The following TIAM2 variants were observed in gnomAD, a reference collection of about 807,000 sequenced individuals.
TIAM2 encodes the protein rho guanine nucleotide exchange factor TIAM2.
Under a neutral mutation model 152.9 loss-of-function variants are expected in TIAM2, and 80 were observed. That is an observed-to-expected ratio of 0.52 (90% CI 0.44 to 0.63). The LOEUF (loss-of-function observed/expected upper bound fraction) is 0.63, where lower values mean the gene tolerates loss of function less well. Ranked by LOEUF, TIAM2 falls within the 30% of genes least tolerant of loss-of-function variation. TIAM2 has a pLI of 0.00. For synonymous variants in TIAM2, 804 were observed against 838.0 expected (o/e 0.96, Z 0.70); for missense variants, 1,965 against 2,120.1 (o/e 0.93, Z 1.44).
intron 2 of TIAM2, among the ~76,000 whole-genome samples, chr6:155,109,070 G>A (rs6931889): frequency 0.03 from 4,562 of 152,132 alleles, 222 homozygotes; most frequent in African/African-American, 0.1. Flanking sequence ...TGCAAGCTCC[G>A]CCTCCTGGGT....
intron 5 of TIAM2, among the ~76,000 whole-genome samples, chr6:155,138,431 CTTT>C (rs111424436): frequency 2.8e-5 from 4 of 141,280 alleles, no homozygotes; most frequent in Non-Finnish European, 1.6e-5. Context: ...GTGCAGCCGT[CTTT>C]TTTTTTTTTT....
intron 1 of TIAM2, among the ~76,000 whole-genome samples, chr6:155,076,194 A>G (rs1258409583): frequency 6.6e-6 from 1 of 152,018 alleles, no homozygotes; most frequent in African/African-American, 2.4e-5. Flanking sequence ...TGGGGGATGG[A>G]GCTTCCTGGG....
Position 155,251,009 on chromosome 6 carries a change from C to G in TIAM2, c.4048C>G (p.Leu1350Val), listed in dbSNP as rs111569551. 5.0e-6 allele frequency: 8 copies of G among 1,613,974 alleles called. No homozygotes were observed. Among genetic ancestry groups the G allele is most frequent in the African/African-American group, 4.0e-5 (3 of 75,034 alleles). Residue 1350 changes from leucine to valine, a missense_variant, in exon 22 of 27, where the codon CTC (leucine) becomes GTC (valine). Physicochemically the swap from Leu to Val is conservative, Grantham distance 32. Coordinates refer to ENST00000682666, the MANE Select transcript of TIAM2 (RefSeq NM_012454.4). ...SLGKARKDLE[L>V]TVFVFKRAVI... ...AGGAAAAGCTAGAAAGGACCTTGAGCTCACAGTATTTGGTTAGTATTCCAT... is the reference window on the plus strand; with the variant it reads ...AGGAAAAGCTAGAAAGGACCTTGAGGTCACAGTATTTGGTTAGTATTCCAT...
At chr6:155,044,404 G>A (rs534230093) in intron 1 of TIAM2, among the ~76,000 whole-genome samples, 13 of 152,236 alleles carry the variant, frequency 8.5e-5, no homozygotes, top group Admixed American at 8.5e-4. Context: ...TCATACAACT[G>A]GACTGTTTTT....
intron 14 of TIAM2, among the ~76,000 whole-genome samples, chr6:155,200,147 C>T (rs893271188): frequency 4.6e-5 from 7 of 152,212 alleles, no homozygotes; most frequent in African/African-American, 1.2e-4. Flanking sequence ...TAGATGTGAT[C>T]GGATTGCTGA....
intron 1 of TIAM2, among the ~76,000 whole-genome samples, chr6:155,042,500 A>G (rs930616411): frequency 5.3e-5 from 8 of 152,128 alleles, no homozygotes; most frequent in Non-Finnish European, 1.2e-4. Flanking sequence ...GGCTGAGGCC[A>G]GAGAATCAAT....
chr6:155,219,407 G>T (rs1452663173), intron 15 of TIAM2, among the ~76,000 whole-genome samples: 1 of 152,074 alleles, frequency 6.6e-6, no homozygotes, highest in African/African-American at 2.4e-5. Flanking sequence ...TGCAGACTTT[G>T]CCCCTCCTGG....
At chr6:155,193,084 T>C (rs878985088) in intron 14 of TIAM2, among the ~76,000 whole-genome samples, 4 of 152,174 alleles carry the variant, frequency 2.6e-5, no homozygotes, top group Admixed American at 2.6e-4. Flanking sequence ...ATCTTCCAAA[T>C]GTGGACATTT....
chr6:155,152,803 G>A (rs963489979), intron 7 of TIAM2, among the ~76,000 whole-genome samples: 2 of 152,052 alleles, frequency 1.3e-5, no homozygotes, highest in African/African-American at 2.4e-5. Flanking sequence ...CTGGCCTGTT[G>A]TGTGTGTGTG....
intron 9 of TIAM2, among the ~76,000 whole-genome samples, chr6:155,169,869 A>C (rs913168384): frequency 6.6e-6 from 1 of 151,734 alleles, no homozygotes; most frequent in Non-Finnish European, 1.5e-5. Context: ...CCCAGGCTGG[A>C]GTGCAGTGGC....
Position 155,251,993 on chromosome 6 carries a change from AAAAG to A in TIAM2, c.4113_4116del (p.Lys1371AsnfsTer23). 1.9e-6 allele frequency: 3 copies of A among 1,605,334 alleles called. No homozygotes were observed. Among genetic ancestry groups the A allele is most frequent in the African/African-American group, 2.7e-5 (2 of 74,246 alleles). On this transcript the variant is annotated frameshift_variant, in exon 23 of 27. Transcript: ENST00000682666. LOFTEE classifies it high-confidence loss of function. ...GTTTATAAAGAAAACTGCAAACTGA[AAAAG>A]AAATTGGTAAGGCAAAAATTCATTT...
intron 1 of TIAM2, among the ~76,000 whole-genome samples, chr6:155,020,604 G>A (rs9384269): frequency 0.4 from 60,256 of 151,848 alleles, 13,206 homozygotes; most frequent in Non-Finnish European, 0.47. Flanking sequence ...TGGGATTACA[G>A]GAGTGCATCA....
intron 2 of TIAM2, among the ~76,000 whole-genome samples, chr6:155,099,014 TCC>T (rs1778486530): frequency 6.6e-6 from 1 of 151,954 alleles, no homozygotes; most frequent in Non-Finnish European, 1.5e-5. Context: ...ACGGAGAAAC[TCC>T]ATCTTTACTA....
At chr6:155,020,891 C>CA (rs1164932536) in intron 1 of TIAM2, among the ~76,000 whole-genome samples, 2 of 152,180 alleles carry the variant, frequency 1.3e-5, no homozygotes, top group Non-Finnish European at 2.9e-5. Flanking sequence ...CAATACCCCC[C>CA]ATTTCTTCTT....
intron 5 of TIAM2, among the ~76,000 whole-genome samples, chr6:155,142,428 G>C (rs1221504114): frequency 6.6e-6 from 1 of 152,214 alleles, no homozygotes; most frequent in African/African-American, 2.4e-5. Flanking sequence ...ATTTCCTCTA[G>C]ATGCCACGAT....
In TIAM2 at chr6:155,018,551, G is replaced by A. The variant is rs114365371; in HGVS notation, c.-209+23059G>A. On this transcript the variant is annotated intron_variant, in intron 1 of 26. Transcript: ENST00000682666. ...CAAGAATTGCTTGAACCAGGGGGGC[G>A]GAACTTTTAGTGAGCCAAGGTTGTG... Among the ~76,000 whole-genome samples the A allele has an allele frequency of 4.2e-3, 632 of 150,450 alleles. 3 individuals are homozygous for A. The highest frequency in any genetic ancestry group is 9.8e-3 in the African/African-American group (400 of 40,966).
At chr6:155,054,591 T>TG (rs5881117) in intron 1 of TIAM2, among the ~76,000 whole-genome samples, 116,986 of 149,524 alleles carry the variant, frequency 0.78, 45,620 homozygotes, top group African/African-American at 0.85. Flanking sequence ...TGTTTTGTTT[T>TG]TTTTTTTTGA....
Position 155,179,106 on chromosome 6 carries a change from A to T in TIAM2, c.2591A>T (p.Tyr864Phe), listed in dbSNP as rs1235340247. The T allele has an allele frequency of 6.2e-7, 1 of 1,613,998 alleles. No homozygotes were observed. Among genetic ancestry groups the T allele is most frequent in the African/African-American group, 1.3e-5 (1 of 74,916 alleles). Residue 864 changes from tyrosine (Y) to phenylalanine (F), a missense_variant, in exon 11 of 27, where the codon TAT (tyrosine) becomes TTT (phenylalanine). This residue lies in a region of TIAM2 where 1,025 missense variants were observed against 1,119.4 expected (regional missense o/e 0.92). Transcript: ENST00000682666. ...LRKLVDDNVE[Y>F]CIPAPYEYMQ... The stretch of plus-strand genomic sequence containing the variant: ...AAATTAGTAGATGACAATGTTGAGT[A>T]TTGCATCCCTGCACCATATGAATAT...
rs879410896 is a variant in TIAM2, at chr6:155,041,031, A to AT, written c.-209+45548dup. ...GGTTTTCAGCTCAGGCAAGTTCCCT[A>AT]TTTTTTTTTGGATGTAGATTTCAGT... On this transcript the variant is annotated intron_variant, in intron 1 of 26. Transcript: ENST00000682666. 9.0e-4 allele frequency among the ~76,000 whole-genome samples: 136 copies of AT among 150,820 alleles called. No homozygotes were observed. The Middle Eastern group carries it at 0.01, about 11-fold the overall frequency.
Sources: gnomAD v4.1 joint callset for allele counts (sites outside exome capture counted in the v4.1 genomes callset) on GRCh38, gnomAD v4.1.1 for gene constraint, gnomAD v4.1.1 regional missense constraint, MANE v1.5 for transcripts, NCBI Gene and HGNC (gene_info 2026-07-23, HGNC 2026-07-21) for gene names.